The following DIPK1A variants were observed in gnomAD, a reference collection of about 807,000 sequenced individuals.
The protein encoded by DIPK1A is family with sequence similarity 69 member A.
DIPK1A carries 27 observed loss-of-function variants against 40.8 expected under a neutral mutation model. That is an observed-to-expected ratio of 0.66 (90% CI 0.49 to 0.91). The LOEUF (loss-of-function observed/expected upper bound fraction) is 0.91. Among genes scored for constraint, DIPK1A ranks in the 40% least tolerant of loss-of-function variants. The pLI, the probability that DIPK1A is intolerant of heterozygous loss-of-function variation, is 0.00. For missense variants in DIPK1A, 412 were observed against 505.7 expected (o/e 0.81, Z 1.78); for synonymous variants, 166 against 171.3 (o/e 0.97, Z 0.24).
intron 2 of DIPK1A, among the ~76,000 whole-genome samples, chr1:92,864,177 T>A (rs997070281): frequency 3.3e-5 from 5 of 152,204 alleles, no homozygotes; most frequent in Admixed American, 2.6e-4. Flanking sequence ...TCAAGTTAAA[T>A]AATAATTGAT....
chr1:92,945,512 T>C (rs1006337138), intron 1 of DIPK1A, among the ~76,000 whole-genome samples: 16 of 152,154 alleles, frequency 1.1e-4, no homozygotes, highest in African/African-American at 3.9e-4. Flanking sequence ...CTAAATAATA[T>C]TTATAGAATC....
chr1:92,953,799 A>G (rs1030237862), intron 1 of DIPK1A, among the ~76,000 whole-genome samples: 8 of 152,238 alleles, frequency 5.3e-5, no homozygotes, highest in Admixed American at 2.6e-4. Flanking sequence ...GAAGTTCTAG[A>G]GATCTGCTGC....
chr1:92,855,432 C>T (rs1687954530), intron 2 of DIPK1A, among the ~76,000 whole-genome samples: 1 of 152,162 alleles, frequency 6.6e-6, no homozygotes, highest in South Asian at 2.1e-4. Context: ...GGCTCAGTGG[C>T]TCACAACTGT....
Position 92,961,357 on chromosome 1 carries a change from T to C in DIPK1A, c.54+19A>G. On this transcript the variant is annotated intron_variant, in intron 1 of 4. Coordinates refer to ENST00000370310, the MANE Select transcript of DIPK1A (RefSeq NM_001006605.5). ...GCCGGGTGCTCCCGCAGCTGGTGGC[T>C]GGGCGGCCGCCGGCCTACCTGGAGG... 1.3e-6 allele frequency: 2 copies of C among 1,497,202 alleles called. No individual in the cohort carries two copies. The highest frequency in any genetic ancestry group is 1.8e-6 in the Non-Finnish European group (2 of 1,117,868). The allele number at this position is 1,497,202 out of a possible 1,614,324, so 92.7% of individuals were successfully genotyped here. A position where few individuals can be genotyped will look rare whatever the true frequency, so the allele number is the denominator to read the frequency against.
At chr1:92,852,806 T>C (rs1687862995) in intron 2 of DIPK1A, among the ~76,000 whole-genome samples, 1 of 152,058 alleles carries the variant, frequency 6.6e-6, no homozygotes, top group Admixed American at 6.5e-5. Context: ...TTTGGGAGGC[T>C]GGGCAGGCAG....
intron 1 of DIPK1A, among the ~76,000 whole-genome samples, chr1:92,909,492 A>C (rs1037085170): frequency 2.6e-5 from 4 of 152,114 alleles, no homozygotes; most frequent in African/African-American, 9.7e-5. Flanking sequence ...TTCTTTGGAG[A>C]GATGTACTTG....
chr1:92,954,385 TTTTTTG>T (rs1225631925), intron 1 of DIPK1A, among the ~76,000 whole-genome samples: 29 of 16,304 alleles, frequency 1.8e-3, no homozygotes, highest in African/African-American at 3.7e-3. Context: ...TTTTTTTTTT[TTTTTTG>T]TTTTGAGACA....
chr1:92,859,342 C>T (rs1244449302), intron 2 of DIPK1A, among the ~76,000 whole-genome samples: 1 of 152,184 alleles, frequency 6.6e-6, no homozygotes, highest in Non-Finnish European at 1.5e-5. Context: ...TCTAGACTTG[C>T]ACTTCATGTT....
intron 1 of DIPK1A, among the ~76,000 whole-genome samples, chr1:92,918,431 G>A (rs1459273439): frequency 6.6e-6 from 1 of 152,206 alleles, no homozygotes; most frequent in Admixed American, 6.5e-5. Flanking sequence ...TTACAGGCAT[G>A]AGCCACTGTG....
intron 4 of DIPK1A, chr1:92,845,559 C>T: frequency 3.9e-6 from 1 of 258,256 alleles, no homozygotes; most frequent in Non-Finnish European, 7.6e-6. Context: ...AAAAAAAATG[C>T]TGGATGCGGT....
intron 4 of DIPK1A, among the ~76,000 whole-genome samples, chr1:92,844,668 A>T (rs1482067098): frequency 6.6e-6 from 1 of 152,082 alleles, no homozygotes; most frequent in Non-Finnish European, 1.5e-5. Context: ...GGCTCAGGTG[A>T]TCCTCCTACC....
At chr1:92,944,121 G>C (rs1456892124) in intron 1 of DIPK1A, among the ~76,000 whole-genome samples, 1 of 151,812 alleles carries the variant, frequency 6.6e-6, no homozygotes, top group African/African-American at 2.4e-5. Flanking sequence ...GAAAAGGAAA[G>C]AAAATCAACA....
intron 1 of DIPK1A, among the ~76,000 whole-genome samples, chr1:92,902,968 G>A (rs1257041120): frequency 6.6e-6 from 1 of 152,182 alleles, no homozygotes; most frequent in Non-Finnish European, 1.5e-5. Context: ...TATTTCCTCA[G>A]GAGAGACATT....
downstream of DIPK1A, chr1:92,837,315 A>G (rs972746330): frequency 2.5e-6 from 2 of 794,494 alleles, no homozygotes; most frequent in East Asian, 2.4e-5. Context: ...CCACTAACTG[A>G]GCAGTCAGTA....
At chr1:92,854,576 C>T (rs1171733908) in intron 2 of DIPK1A, among the ~76,000 whole-genome samples, 3 of 152,220 alleles carry the variant, frequency 2.0e-5, no homozygotes, top group Non-Finnish European at 4.4e-5. Context: ...AACACCAAGG[C>T]ACTGTTGCCC....
At chr1:92,866,943 C>T (rs1647573064) in intron 2 of DIPK1A, among the ~76,000 whole-genome samples, 1 of 152,134 alleles carries the variant, frequency 6.6e-6, no homozygotes, top group Non-Finnish European at 1.5e-5. Flanking sequence ...CTGACTGATA[C>T]ACCTGATTAA....
intron 4 of DIPK1A, among the ~76,000 whole-genome samples, chr1:92,846,425 A>T (rs894035066): frequency 6.6e-6 from 1 of 151,660 alleles, no homozygotes; most frequent in East Asian, 1.9e-4. Flanking sequence ...ACCTCTCCTT[A>T]TTCTCCTCTC....
chr1:92,843,959 A>G lies in DIPK1A; in HGVS notation c.711T>C (p.Tyr237=), dbSNP rs2100706827. 6.4e-7 allele frequency: 1 copy of G among 1,551,966 alleles called. No individual in the cohort carries two copies. Residue 237 remains tyrosine, a synonymous_variant, in exon 5 of 5, where the codon TAT becomes TAC. Coordinates refer to ENST00000370310, the MANE Select transcript of DIPK1A (RefSeq NM_001006605.5). The part of the protein sequence containing the change: ...VMESVEYTSL[Y]GISLPWVIEL... Reference sequence around the variant, plus strand: ...CAATGACCCAAGGAAGGCTTATTCCATAAAGAGAGGTATATTCAACACTTT... The same window carrying G: ...CAATGACCCAAGGAAGGCTTATTCCGTAAAGAGAGGTATATTCAACACTTT...
At chr1:92,915,503 C>T (rs1650017413) in intron 1 of DIPK1A, among the ~76,000 whole-genome samples, 1 of 152,144 alleles carries the variant, frequency 6.6e-6, no homozygotes, top group Admixed American at 6.5e-5. Flanking sequence ...ATTTTACATA[C>T]AGTTAATGTA....
Sources: allele counts gnomAD v4.1 joint callset (sites outside exome capture counted in the v4.1 genomes callset), GRCh38; gene constraint gnomAD v4.1.1; transcripts MANE v1.5; gene names NCBI Gene and HGNC (gene_info 2026-07-23, HGNC 2026-07-21).